Variants in CYB5R4 observed in about 807,000 individuals in gnomAD.
The protein encoded by CYB5R4 is cytochrome b5 reductase 4.
In CYB5R4, 55 loss-of-function variants were observed where a neutral mutation model predicts 70.2. That is an observed-to-expected ratio of 0.78 (90% CI 0.63 to 0.98). The LOEUF is 0.98. Ranked by LOEUF, CYB5R4 falls within the 50% of genes least tolerant of loss-of-function variation. CYB5R4 has a pLI of 0.00. For missense variants in CYB5R4, 562 were observed against 612.6 expected (o/e 0.92, Z 0.87); for synonymous variants, 197 against 199.5 (o/e 0.99, Z 0.11).
chr6:83,923,957 C>T (rs1352170588), intron 9 of CYB5R4, among the ~76,000 whole-genome samples: 1 of 149,490 alleles, frequency 6.7e-6, no homozygotes, highest in Non-Finnish European at 1.5e-5. Context: ...GTAGTCCCAG[C>T]TACTCAGGAG....
intron 14 of CYB5R4, among the ~76,000 whole-genome samples, chr6:83,943,938 T>G (rs1335580996): frequency 6.6e-6 from 1 of 151,838 alleles, no homozygotes; most frequent in Admixed American, 6.6e-5. Context: ...GAACAAAGCC[T>G]CCAAGAAATA....
intron 2 of CYB5R4, among the ~76,000 whole-genome samples, chr6:83,887,128 A>C (rs1035124282): frequency 9.2e-5 from 14 of 152,298 alleles, no homozygotes; most frequent in Middle Eastern, 3.4e-3. Context: ...TTCTGTATAA[A>C]AAGGCAATAT....
Position 83,883,592 on chromosome 6 carries a change from T to G in CYB5R4, c.230-9930T>G, listed in dbSNP as rs556640941. Among the ~76,000 whole-genome samples, 3 of 152,240 alleles carry G rather than the reference T, an allele frequency of 2.0e-5. No homozygotes were observed. In the East Asian group the frequency reaches 5.8e-4, roughly 29 times the overall value. ...TGAAGGATAAAGATGAAATAAAGACTTTTTCAGATAAACCAAAACTGGAAA... is the reference window on the plus strand; with the variant it reads ...TGAAGGATAAAGATGAAATAAAGACGTTTTCAGATAAACCAAAACTGGAAA... On this transcript the variant is annotated intron_variant, in intron 2 of 15. Transcript: ENST00000369681.
intron 10 of CYB5R4, among the ~76,000 whole-genome samples, chr6:83,931,111 C>T (rs2099468077): frequency 6.6e-6 from 1 of 152,220 alleles, no homozygotes. Flanking sequence ...TGAAGTAGGA[C>T]TTTTAATTTC....
At chr6:83,872,111 C>T (rs1019070332) in intron 2 of CYB5R4, among the ~76,000 whole-genome samples, 1 of 152,046 alleles carries the variant, frequency 6.6e-6, no homozygotes, top group Non-Finnish European at 1.5e-5. Context: ...TCATTATATT[C>T]CTGGTTATTG....
At chr6:83,943,164 C>T (rs932235234) in intron 14 of CYB5R4, among the ~76,000 whole-genome samples, 8 of 152,248 alleles carry the variant, frequency 5.3e-5, no homozygotes, top group East Asian at 1.9e-4. Context: ...AGCCTCCTGA[C>T]GGGGAGACAC....
intron 12 of CYB5R4, 141 bp from the exon 13 acceptor site, chr6:83,939,915 A>G: frequency 1.8e-6 from 1 of 555,514 alleles, no homozygotes; most frequent in Non-Finnish European, 3.2e-6. Context: ...ACTGATAAAT[A>G]GTCTGCAAGT....
At chr6:83,946,373 C>T (rs1479960719) in intron 14 of CYB5R4, among the ~76,000 whole-genome samples, 1 of 152,118 alleles carries the variant, frequency 6.6e-6, no homozygotes, top group East Asian at 1.9e-4. Context: ...AAATTCAACA[C>T]CCCTTCATGC....
intron 9 of CYB5R4, 139 bp downstream of exon 9, chr6:83,922,609 G>A: frequency 1.6e-6 from 1 of 612,280 alleles, no homozygotes; most frequent in Non-Finnish European, 2.8e-6. Context: ...ACAAAGATGT[G>A]ATGTTTTCTC....
At chr6:83,955,978 C>T (rs1033706376) in intron 15 of CYB5R4, among the ~76,000 whole-genome samples, 1 of 152,084 alleles carries the variant, frequency 6.6e-6, no homozygotes, top group South Asian at 2.1e-4. Flanking sequence ...GTGGTAGTGG[C>T]GATCCTGTTT....
At chr6:83,914,739 G>C (rs1304459426) in intron 5 of CYB5R4, among the ~76,000 whole-genome samples, 1 of 151,802 alleles carries the variant, frequency 6.6e-6, no homozygotes, top group Non-Finnish European at 1.5e-5. Context: ...GTTTCACCAT[G>C]TTGGTCAGGC....
chr6:83,942,073 T>C (rs545968844), intron 14 of CYB5R4, among the ~76,000 whole-genome samples: 69 of 152,338 alleles, frequency 4.5e-4, no homozygotes, highest in African/African-American at 1.7e-3. Flanking sequence ...ACATTTGAAT[T>C]GTGGTTATAG....
chr6:83,870,442 C>T (rs2099457411), intron 2 of CYB5R4, among the ~76,000 whole-genome samples: 1 of 137,452 alleles, frequency 7.3e-6, no homozygotes, highest in Non-Finnish European at 1.5e-5. Flanking sequence ...TTTATCTAAC[C>T]GTTTTTTTTT....
chr6:83,955,542 C>G, intron 15 of CYB5R4, 80 bp downstream of exon 15: 1 of 1,323,580 alleles, frequency 7.6e-7, no homozygotes. Flanking sequence ...TCAGTTCTTC[C>G]TGTTTATATG....
chr6:83,934,602 C>A lies in CYB5R4; in HGVS notation c.822C>A (p.Tyr274Ter). ...SLIPRKDTGL[Y>*]YRKCQLISKE... ...AAATGAATCACTTTTTAGGTTTGTA[C>A]TACAGAAAGTGCCAGTTAATTTCCA... The change falls in exon 11 of 16, where the codon TAC becomes TAA. Residue 274 changes from tyrosine (Y) to a stop codon, truncating the protein, a stop_gained. Transcript: ENST00000369681. LOFTEE classifies it high-confidence loss of function. The A allele has an allele frequency of 6.2e-7, 1 of 1,608,250 alleles. No homozygotes were observed. Among genetic ancestry groups the A allele is most frequent in the Non-Finnish European group, 8.5e-7 (1 of 1,175,522 alleles).
At chr6:83,954,030 A>G (rs891381391) in intron 14 of CYB5R4, among the ~76,000 whole-genome samples, 2 of 152,044 alleles carry the variant, frequency 1.3e-5, no homozygotes, top group Non-Finnish European at 2.9e-5. Context: ...AAGGGTCCCA[A>G]CCCCTTCTGG....
chr6:83,915,332 G>A (rs1174170108), intron 5 of CYB5R4, among the ~76,000 whole-genome samples: 1 of 152,184 alleles, frequency 6.6e-6, no homozygotes, highest in East Asian at 1.9e-4. Context: ...TAGATTGCCA[G>A]ATGAGTTACC....
chr6:83,866,696 T>C (rs562179616), intron 2 of CYB5R4, among the ~76,000 whole-genome samples: 31 of 152,028 alleles, frequency 2.0e-4, no homozygotes, highest in African/African-American at 6.7e-4. Flanking sequence ...GCTCACAGCA[T>C]CCTTGACCTC....
At chr6:83,907,476 C>CT (rs57474226) in intron 3 of CYB5R4, among the ~76,000 whole-genome samples, 12 of 145,020 alleles carry the variant, frequency 8.3e-5, no homozygotes, top group Non-Finnish European at 1.1e-4. Flanking sequence ...TTTTTTTGTT[C>CT]TTTTTTTTTT....
Sources: allele counts gnomAD v4.1 joint callset (sites outside exome capture counted in the v4.1 genomes callset), GRCh38; gene constraint gnomAD v4.1.1; transcripts MANE v1.5; gene names NCBI Gene and HGNC (gene_info 2026-07-23, HGNC 2026-07-21).